The following KATNB1 variants were observed in gnomAD, a reference collection of about 807,000 sequenced individuals.
KATNB1 encodes katanin regulatory subunit B1, also known as katanin p80 WD40 repeat-containing subunit B1.
A neutral mutation model predicts 82.3 loss-of-function variants in KATNB1; 38 were observed. The ratio of observed to expected loss-of-function variants is 0.46; its 90% CI spans 0.36 to 0.61. The LOEUF (loss-of-function observed/expected upper bound fraction) is 0.61. Among genes scored for constraint, KATNB1 ranks in the 20% least tolerant of loss-of-function variants. The probability of loss-of-function intolerance (pLI) is 0.00; values close to 1 mark genes in which losing one functional copy is unlikely to be tolerated. For missense variants in KATNB1, 749 were observed against 915.7 expected, an observed-to-expected ratio of 0.82 and a Z score of 2.35; for synonymous variants, 361 against 368.7, an observed-to-expected ratio of 0.98 and a Z score of 0.24.
Position 57,751,650 on chromosome 16 carries a change from C to G in KATNB1, c.442C>G (p.Gln148Glu), listed in dbSNP as rs1312999569. 1 of 1,611,160 alleles carries G rather than the reference C, an allele frequency of 6.2e-7. No homozygotes were observed. The highest frequency in any genetic ancestry group is 1.7e-5 in the Admixed American group (1 of 60,000). The change falls in exon 7 of 20, where the codon CAG (glutamine) becomes GAG (glutamate). Residue 148 changes from glutamine to glutamate, a missense_variant. Gln to Glu is a conservative substitution (Grantham distance 29, BLOSUM62 2). This residue lies in a region of KATNB1 where 247 missense variants were observed against 349.4 expected (regional missense o/e 0.71). Transcript: ENST00000379661. This position sits in a 1 kb window ranked among gnomAD's most constrained non-coding sequence, Gnocchi z 6.3. The part of the protein sequence containing the change: ...GCVFRYRGHS[Q>E]AVRCLRFSPD... ...CCGTGTCCTCCCTCAGGGGCACAGC[C>G]AGGCCGTGCGGTGTCTCCGGTTCAG...
Position 57,753,414 on chromosome 16 carries a change from C to A in KATNB1, c.1072C>A (p.Arg358Ser), listed in dbSNP as rs374688182. ...GGTGAAGCAGAACTCAGAGAGCGAG[C>A]GCCGCAGCCCCAGCAGCGAGGATGA... The part of the protein sequence containing the change: ...QRVKQNSESE[R>S]RSPSSEDDRD... Residue 358 changes from arginine (R) to serine (S), a missense_variant, in exon 12 of 20, where the codon CGC (arginine) becomes AGC (serine). Physicochemically the swap from Arg to Ser is moderately radical, Grantham distance 110. Around this residue, in one of 3 missense-constraint regions of KATNB1, gnomAD observed 407 missense variants for 434.7 expected, o/e 0.94. Transcript: ENST00000379661. 8.7e-5 allele frequency: 140 copies of A among 1,612,580 alleles called. No homozygotes were observed. The highest frequency in any genetic ancestry group is 1.2e-4 in the Non-Finnish European group (136 of 1,179,732).
Position 57,751,586 on chromosome 16 carries a change from A to C in KATNB1, c.433-55A>C. The C allele has an allele frequency of 6.7e-7, 1 of 1,494,514 alleles. No homozygotes were observed. Among genetic ancestry groups the C allele is most frequent in the Non-Finnish European group, 9.3e-7 (1 of 1,078,748 alleles). The allele number at this position is 1,494,514 out of a possible 1,614,324, so 92.6% of individuals were successfully genotyped here. A position where few individuals can be genotyped will look rare whatever the true frequency, so the allele number is the denominator to read the frequency against. On this transcript the variant is annotated intron_variant, in intron 6 of 19. Coordinates refer to ENST00000379661, the MANE Select transcript of KATNB1 (RefSeq NM_005886.3). The surrounding 1 kb of genome is among the most constrained non-coding windows in gnomAD (Gnocchi z 6.3). ...GTCCCATAGGAGTGAGGAGGCAGGG[A>C]GAGGTCTGTTGGGCCCAGGATCCCA...
At chr16:57,754,121 C>G (rs2148795858) in intron 13 of KATNB1, 126 bp downstream of exon 13, 1 of 783,996 alleles carries the variant, frequency 1.3e-6, no homozygotes, top group Non-Finnish European at 2.2e-6. Flanking sequence ...GACCCACACC[C>G]TCTCCCGCTG....
chr16:57,755,666 CGTTTAGT>C, intron 16 of KATNB1, 168 bp from the exon 17 acceptor site: 1 of 1,019,908 alleles, frequency 9.8e-7, no homozygotes, highest in Admixed American at 2.7e-5. Context: ...CACAGACTGC[CGTTTAGT>C]GAGCATCTGT....
In KATNB1 at chr16:57,750,925, A is replaced by C; in HGVS notation, c.388A>C (p.Lys130Gln). Residue 130 changes from lysine (K) to glutamine (Q), a missense_variant and splice_region_variant, in exon 5 of 20, where the codon AAG (lysine) becomes CAG (glutamine). Transcript: ENST00000379661. ...VASGSQDTNI[K>Q]LWDIRRKGCV... Reference sequence around the variant, plus strand: ...CTCTGGTTCCCAGGACACAAACATCAAGGTGAGAGGCCGGTCCGTGCCCCG... The same window carrying C: ...CTCTGGTTCCCAGGACACAAACATCCAGGTGAGAGGCCGGTCCGTGCCCCG... The C allele has an allele frequency of 1.2e-6, 2 of 1,612,962 alleles. No homozygotes were observed. Among genetic ancestry groups the C allele is most frequent in the Non-Finnish European group, 1.7e-6 (2 of 1,178,976 alleles).
intron 4 of KATNB1, among the ~76,000 whole-genome samples, chr16:57,748,662 G>C (rs1597827449): frequency 6.6e-6 from 1 of 152,244 alleles, no homozygotes; most frequent in African/African-American, 2.4e-5. Context: ...TTGAATGTAG[G>C]CATCAGAGGC....
chr16:57,751,373 C>T lies in KATNB1; in HGVS notation c.432+71C>T. On this transcript the variant is annotated intron_variant, in intron 6 of 19. Coordinates refer to ENST00000379661, the MANE Select transcript of KATNB1 (RefSeq NM_005886.3). This position sits in a 1 kb window ranked among gnomAD's most constrained non-coding sequence, Gnocchi z 6.3. ...TTGAGTGTGGTGTGGTGCCCAGACC[C>T]CAGCAGGGGGTGGAGGGGACGGCTG... The T allele has an allele frequency of 7.0e-7, 1 of 1,437,234 alleles. No homozygotes were observed. The allele number at this position is 1,437,234 out of a possible 1,614,324, so 89.0% of individuals were successfully genotyped here. A position where few individuals can be genotyped will look rare whatever the true frequency, so the allele number is the denominator to read the frequency against.
At position 57,744,576 on chromosome 16, in the gene KATNB1, A is replaced by G. The variant is rs2967152; in HGVS notation, c.289+65A>G. The G allele has an allele frequency of 0.77, 1,055,054 of 1,361,670 alleles. 410,344 individuals are homozygous for G. Among genetic ancestry groups the G allele is most frequent in the South Asian group, 0.79 (68,301 of 86,160 alleles). 84.3% of individuals were successfully genotyped at this position (1,361,670 alleles called of 1,614,324 possible). On this transcript the variant is annotated intron_variant, in intron 4 of 19. Transcript: ENST00000379661. ...CTTAGTCTTCAGGCTCTGCAGTTGT[A>G]CTGCTTCCTCCAGGAAGCCTGCCTG...
chr16:57,750,688 G>A (rs1287806876), intron 4 of KATNB1, 139 bp from the exon 5 acceptor site: 1 of 686,242 alleles, frequency 1.5e-6, no homozygotes, highest in Non-Finnish European at 2.6e-6. Flanking sequence ...GTTTCCTACT[G>A]TTTTAAAAAT....
intron 4 of KATNB1, among the ~76,000 whole-genome samples, chr16:57,749,435 A>G (rs1416105274): frequency 1.3e-5 from 2 of 152,230 alleles, no homozygotes; most frequent in African/African-American, 2.4e-5. Context: ...AAGATCATAC[A>G]GTAGAGTTCA....
intron 13 of KATNB1, 62 bp from the exon 14 acceptor site, chr16:57,754,868 G>A (rs2049262539): frequency 1.3e-6 from 2 of 1,562,382 alleles, no homozygotes; most frequent in East Asian, 2.2e-5. Flanking sequence ...CCCGCCCTGA[G>A]CCCTGCCCTT....
chr16:57,751,154 A>G lies in KATNB1; in HGVS notation c.391-107A>G. On this transcript the variant is annotated intron_variant, in intron 5 of 19. Transcript: ENST00000379661. The surrounding 1 kb of genome is among the most constrained non-coding windows in gnomAD (Gnocchi z 6.3). ...GTCCTTGTCTCCGTGGGGAGTAACG[A>G]CCTAGAGAAGGCTGGGCCCCACCGT... The G allele has an allele frequency of 9.1e-7, 1 of 1,094,040 alleles. No homozygotes were observed. The highest frequency in any genetic ancestry group is 2.4e-5 in the East Asian group (1 of 41,816). 67.8% of individuals were successfully genotyped at this position (1,094,040 alleles called of 1,614,324 possible). A position where few individuals can be genotyped will look rare whatever the true frequency, so the allele number is the denominator to read the frequency against.
chr16:57,754,094 C>T, intron 13 of KATNB1, 99 bp downstream of exon 13: 1 of 1,039,086 alleles, frequency 9.6e-7, no homozygotes, highest in Non-Finnish European at 1.5e-6. Context: ...TCCCAGGACC[C>T]TCCCCTCTCA....
chr16:57,757,196 G>A lies in KATNB1; in HGVS notation c.*250G>A, dbSNP rs2049301151. The A allele has an allele frequency of 2.6e-6, 1 of 386,196 alleles. No individual in the cohort carries two copies. The highest frequency in any genetic ancestry group is 4.6e-6 in the Non-Finnish European group (1 of 218,452). 23.9% of individuals were successfully genotyped at this position (386,196 alleles called of 1,614,324 possible). A position where few individuals can be genotyped will look rare whatever the true frequency, so the allele number is the denominator to read the frequency against. On this transcript the variant is annotated 3_prime_UTR_variant, in exon 20 of 20. Coordinates refer to ENST00000379661, the MANE Select transcript of KATNB1 (RefSeq NM_005886.3). ...CTTGGGGCAGCGAACTGAGCCCTGG[G>A]GCTGCTGCTGTAATTTATAAGGCAA...
In KATNB1 at chr16:57,755,434, C is replaced by G. The variant is rs1334640806; in HGVS notation, c.1506C>G (p.Leu502=). Reference sequence around the variant, plus strand: ...GCCACGACACCATGTGTGTGGTGCTCACCAGCCGCCACAAGAACCTGGACA... The same window carrying G: ...GCCACGACACCATGTGTGTGGTGCTGACCAGCCGCCACAAGAACCTGGACA... ...RKGHDTMCVV[L]TSRHKNLDTV... Residue 502 remains leucine (L), a synonymous_variant, in exon 16 of 20, where the codon CTC becomes CTG. Coordinates refer to ENST00000379661, the MANE Select transcript of KATNB1 (RefSeq NM_005886.3). The G allele has an allele frequency of 1.2e-6, 2 of 1,612,956 alleles. No individual in the cohort carries two copies. Among genetic ancestry groups the G allele is most frequent in the Admixed American group, 3.3e-5 (2 of 60,008 alleles).
At chr16:57,743,750 A>G (rs553327562) in intron 3 of KATNB1, among the ~76,000 whole-genome samples, 71 of 152,330 alleles carry the variant, frequency 4.7e-4, no homozygotes, top group African/African-American at 1.4e-3. Flanking sequence ...GTTTCTGTGC[A>G]CGCTGTCCCC....
At chr16:57,739,149 T>C (rs1268055841) in intron 2 of KATNB1, among the ~76,000 whole-genome samples, 1 of 152,150 alleles carries the variant, frequency 6.6e-6, no homozygotes, top group Admixed American at 6.5e-5. Context: ...GAGGCTGCCG[T>C]GCTTTATCAT....
At chr16:57,748,469 A>T (rs7206365) in intron 4 of KATNB1, among the ~76,000 whole-genome samples, 118,962 of 140,834 alleles carry the variant, frequency 0.84, 49,132 homozygotes, top group Middle Eastern at 0.95. Flanking sequence ...CTATTTTTTT[A>T]AAAAAAAAAA....
chr16:57,743,386 G>A (rs2049157384), intron 3 of KATNB1, among the ~76,000 whole-genome samples: 1 of 152,208 alleles, frequency 6.6e-6, no homozygotes, highest in Non-Finnish European at 1.5e-5. Flanking sequence ...GGAGAACTGA[G>A]ATCCACCCCA....
Sources: allele counts gnomAD v4.1 joint callset (sites outside exome capture counted in the v4.1 genomes callset), GRCh38; gene constraint gnomAD v4.1.1; regional missense constraint gnomAD v4.1.1; non-coding constraint Gnocchi (gnomAD v3.1); transcripts MANE v1.5; gene names NCBI Gene and HGNC (gene_info 2026-07-23, HGNC 2026-07-21).